Variants in NCOA7 observed in about 807,000 individuals in gnomAD.
The protein encoded by NCOA7 is nuclear receptor coactivator 7.
In NCOA7, 45 loss-of-function variants were observed where a neutral mutation model predicts 104.3. The ratio of observed to expected loss-of-function variants is 0.43; its 90% CI spans 0.34 to 0.55. The LOEUF (loss-of-function observed/expected upper bound fraction) is 0.55, where lower values mean the gene tolerates loss of function less well. NCOA7 is among the 20% of genes least tolerant of loss of function. The probability of loss-of-function intolerance (pLI) is 0.02; values close to 1 mark genes in which losing one functional copy is unlikely to be tolerated. For missense variants in NCOA7, 1,041 were observed against 1,119.7 expected (o/e 0.93, Z 1.00); for synonymous variants, 398 against 402.3 (o/e 0.99, Z 0.13).
At chr6:125,820,007 G>A (rs902148012) in intron 2 of NCOA7, among the ~76,000 whole-genome samples, 1 of 152,162 alleles carries the variant, frequency 6.6e-6, no homozygotes, top group Non-Finnish European at 1.5e-5. Context: ...AGTAAACAGT[G>A]AGTAATATAG....
intron 10 of NCOA7, chr6:125,900,150 C>T (rs1215605756): frequency 2.4e-6 from 1 of 416,240 alleles, no homozygotes; most frequent in East Asian, 7.0e-5. Context: ...CTGTGGACCT[C>T]TGTAGCTAGG....
At chr6:125,919,057 G>C (rs1431515355) in intron 11 of NCOA7, among the ~76,000 whole-genome samples, 1 of 152,118 alleles carries the variant, frequency 6.6e-6, no homozygotes, top group East Asian at 1.9e-4. Context: ...GAAAAAAAAT[G>C]AACAATGGGG....
chr6:125,800,591 G>A (rs1356399260), intron 1 of NCOA7, among the ~76,000 whole-genome samples: 6 of 152,162 alleles, frequency 3.9e-5, no homozygotes, highest in African/African-American at 1.4e-4. Context: ...CATAAATTCT[G>A]TGTCCAGCCT....
At chr6:125,885,797 A>G (rs1784207060) in intron 8 of NCOA7, among the ~76,000 whole-genome samples, 1 of 152,130 alleles carries the variant, frequency 6.6e-6, no homozygotes, top group South Asian at 2.1e-4. Flanking sequence ...CTGCATGGAG[A>G]GGGGTTTGGG....
intron 2 of NCOA7, among the ~76,000 whole-genome samples, chr6:125,825,911 T>C (rs937697361): frequency 1.3e-5 from 2 of 152,230 alleles, no homozygotes; most frequent in African/African-American, 4.8e-5. Context: ...AACAGGTATA[T>C]ACACACACAT....
intron 10 of NCOA7, among the ~76,000 whole-genome samples, chr6:125,914,724 AT>A (rs1346414988): frequency 6.6e-6 from 1 of 152,208 alleles, no homozygotes; most frequent in African/African-American, 2.4e-5. Context: ...ATTTCTATTG[AT>A]TAAGCCTGGA....
At chr6:125,808,593 C>G (rs959678677) in intron 1 of NCOA7, among the ~76,000 whole-genome samples, 2 of 152,198 alleles carry the variant, frequency 1.3e-5, no homozygotes, top group African/African-American at 4.8e-5. Context: ...TGTTTTCTTA[C>G]CAAACTGCCT....
intron 2 of NCOA7, among the ~76,000 whole-genome samples, chr6:125,849,903 T>C (rs1413772827): frequency 6.6e-6 from 1 of 152,248 alleles, no homozygotes; most frequent in African/African-American, 2.4e-5. Context: ...AGTGTATTTT[T>C]AGTCCACAGT....
At chr6:125,894,684 T>C (rs1784870014) in intron 10 of NCOA7, among the ~76,000 whole-genome samples, 1 of 151,734 alleles carries the variant, frequency 6.6e-6, no homozygotes, top group Admixed American at 6.6e-5. Context: ...GTGAAGGAGC[T>C]GAAATGAACC....
chr6:125,930,910 A>G lies in NCOA7; in HGVS notation c.*2139A>G, dbSNP rs1367363029. On this transcript the variant is annotated 3_prime_UTR_variant, in exon 16 of 16. Transcript: ENST00000392477. ...CTATTAATAAAATGGAAAAAAACAA[A>G]ATGGTCATTTTGCATATACTTCACT... The G allele has an allele frequency of 6.6e-6, 1 of 152,636 alleles. No individual in the cohort carries two copies. The highest frequency in any genetic ancestry group is 2.4e-5 in the African/African-American group (1 of 41,456). 9.5% of individuals were successfully genotyped at this position (152,636 alleles called of 1,614,324 possible). A position where few individuals can be genotyped will look rare whatever the true frequency, so the allele number is the denominator to read the frequency against.
chr6:125,794,357 A>G (rs1775116182), intron 1 of NCOA7, among the ~76,000 whole-genome samples: 1 of 152,252 alleles, frequency 6.6e-6, no homozygotes, highest in South Asian at 2.1e-4. Flanking sequence ...CTAACTTGGC[A>G]ACTAGGAAAT....
At chr6:125,839,098 GC>G (rs1779884099) in intron 2 of NCOA7, among the ~76,000 whole-genome samples, 2 of 152,082 alleles carry the variant, frequency 1.3e-5, no homozygotes, top group African/African-American at 4.8e-5. Context: ...TAAATCATTA[GC>G]CCTTGGTGAT....
At chr6:125,782,075 A>G (rs1395955540) in intron 1 of NCOA7, among the ~76,000 whole-genome samples, 1 of 152,258 alleles carries the variant, frequency 6.6e-6, no homozygotes, top group Non-Finnish European at 1.5e-5. Context: ...ATTTAAAAAA[A>G]AGAAATGTAA....
chr6:125,902,679 A>T (rs1785618541), intron 10 of NCOA7, among the ~76,000 whole-genome samples: 1 of 152,178 alleles, frequency 6.6e-6, no homozygotes, highest in Non-Finnish European at 1.5e-5. Flanking sequence ...TTCAATCCTT[A>T]AGCCCTGGAG....
At chr6:125,806,738 A>G (rs915323596) in intron 1 of NCOA7, among the ~76,000 whole-genome samples, 4 of 152,184 alleles carry the variant, frequency 2.6e-5, no homozygotes, top group Admixed American at 2.0e-4. Flanking sequence ...CTTCTTCTGT[A>G]GGAGCAATAT....
At chr6:125,818,526 A>G (rs1021219813) in intron 2 of NCOA7, among the ~76,000 whole-genome samples, 3 of 152,132 alleles carry the variant, frequency 2.0e-5, no homozygotes, top group Non-Finnish European at 1.5e-5. Flanking sequence ...GTAACTAGGA[A>G]ATGAGAGAGA....
chr6:125,836,301 A>G (rs957328611), intron 2 of NCOA7, among the ~76,000 whole-genome samples: 1 of 152,198 alleles, frequency 6.6e-6, no homozygotes, highest in African/African-American at 2.4e-5. Flanking sequence ...ATTTTTGCTG[A>G]TGCCATTGTG....
chr6:125,790,364 GGTGAGGT>G (rs1469694097), upstream of NCOA7, among the ~76,000 whole-genome samples: 1 of 152,252 alleles, frequency 6.6e-6, no homozygotes, highest in Non-Finnish European at 1.5e-5. Context: ...AGCGGCCCGG[GGTGAGGT>G]AAGAGGACCC....
intron 11 of NCOA7, chr6:125,919,121 A>C: frequency 2.4e-6 from 2 of 816,660 alleles, no homozygotes; most frequent in Non-Finnish European, 3.6e-6. Flanking sequence ...GTCCTTTTAC[A>C]GTCTCACAGC....
Sources: gnomAD v4.1 joint callset for allele counts (sites outside exome capture counted in the v4.1 genomes callset) on GRCh38, gnomAD v4.1.1 for gene constraint, MANE v1.5 for transcripts, NCBI Gene and HGNC (gene_info 2026-07-23, HGNC 2026-07-21) for gene names.